The following RIMS1 variants were observed in gnomAD, a reference collection of about 807,000 sequenced individuals.
RIMS1 encodes regulating synaptic membrane exocytosis 1.
A neutral mutation model predicts 214.1 loss-of-function variants in RIMS1; 83 were observed. The ratio of observed to expected loss-of-function variants is 0.39; its 90% CI spans 0.32 to 0.47. The LOEUF (loss-of-function observed/expected upper bound fraction) is 0.47, where lower values mean the gene tolerates loss of function less well. RIMS1 is among the 20% of genes least tolerant of loss of function. RIMS1 has a pLI of 0.99. For synonymous variants in RIMS1, 793 were observed against 786.8 expected (o/e 1.01, Z -0.13); for missense variants, 2,050 against 2,161.8 (o/e 0.95, Z 1.03).
At chr6:72,234,671 AC>A (rs907032117) in intron 7 of RIMS1, among the ~76,000 whole-genome samples, 1 of 152,018 alleles carries the variant, frequency 6.6e-6, no homozygotes, top group African/African-American at 2.4e-5. Flanking sequence ...TTACAGTATC[AC>A]ACAGAATAGT....
intron 6 of RIMS1, among the ~76,000 whole-genome samples, chr6:72,228,657 T>C (rs1486376464): frequency 6.6e-6 from 1 of 151,936 alleles, no homozygotes; most frequent in Non-Finnish European, 1.5e-5. Flanking sequence ...GATTCTGATC[T>C]CAATTCCTTT....
At position 72,099,913 on chromosome 6, in the gene RIMS1, A is replaced by G. The variant is rs1441583878; in HGVS notation, c.460-62A>G. On this transcript the variant is annotated intron_variant, in intron 3 of 33. Coordinates refer to ENST00000521978, the MANE Select transcript of RIMS1 (RefSeq NM_014989.7). ...AACCAATTTATTAATACATGGCTCA[A>G]TTTTGTTTTTCTTTTCTTTGTCTTC... 3 of 1,403,000 alleles carry G rather than the reference A, an allele frequency of 2.1e-6. No individual in the cohort carries two copies. In the African/African-American group the frequency reaches 4.2e-5, roughly 20 times the overall value. The allele number at this position is 1,403,000 out of a possible 1,614,324, so 86.9% of individuals were successfully genotyped here.
At chr6:72,217,516 G>C (rs2056697678) in intron 6 of RIMS1, among the ~76,000 whole-genome samples, 1 of 152,204 alleles carries the variant, frequency 6.6e-6, no homozygotes, top group East Asian at 1.9e-4. Context: ...GAGATATATA[G>C]ATAATATACA....
intron 29 of RIMS1, among the ~76,000 whole-genome samples, chr6:72,342,237 C>A (rs2097116787): frequency 6.6e-6 from 1 of 151,836 alleles, no homozygotes; most frequent in Non-Finnish European, 1.5e-5. Context: ...TTTTGTCATT[C>A]ATTTCAGCTC....
intron 8 of RIMS1, among the ~76,000 whole-genome samples, chr6:72,237,215 A>AAG (rs552204532): frequency 7.3e-5 from 11 of 150,014 alleles, no homozygotes; most frequent in African/African-American, 2.2e-4. Context: ...CAAAAATAGA[A>AAG]AGAGAGAGAG....
At chr6:72,051,550 C>A (rs912085674) in intron 2 of RIMS1, among the ~76,000 whole-genome samples, 5 of 152,204 alleles carry the variant, frequency 3.3e-5, no homozygotes, top group Admixed American at 6.5e-5. Context: ...AATGCCTAGT[C>A]GTGGCTTGTG....
chr6:72,246,236 G>A (rs998307472), intron 11 of RIMS1, among the ~76,000 whole-genome samples: 19 of 152,144 alleles, frequency 1.2e-4, no homozygotes, highest in Non-Finnish European at 2.5e-4. Context: ...GCCTAGTGAA[G>A]AAACTAGGTA....
At chr6:72,245,892 AGTATT>A (rs1366738630) in intron 11 of RIMS1, 31 bp downstream of exon 11, 2 of 1,441,364 alleles carry the variant, frequency 1.4e-6, no homozygotes, top group Non-Finnish European at 2.0e-6. Context: ...TTATTATAAA[AGTATT>A]GAACTAATTG....
chr6:72,329,738 G>C (rs958802566), intron 28 of RIMS1, among the ~76,000 whole-genome samples: 1 of 151,644 alleles, frequency 6.6e-6, no homozygotes, highest in Non-Finnish European at 1.5e-5. Flanking sequence ...GGTTGGTTGG[G>C]TTTGTCTTAC....
At chr6:72,207,754 AAAACAAAC>A (rs766881579) in intron 6 of RIMS1, among the ~76,000 whole-genome samples, 12 of 152,108 alleles carry the variant, frequency 7.9e-5, no homozygotes, top group African/African-American at 2.9e-4. Context: ...AAACGTAGGC[AAAACAAAC>A]AAACAAACAA....
At chr6:71,995,169 A>G (rs1803009979) in intron 2 of RIMS1, among the ~76,000 whole-genome samples, 2 of 152,188 alleles carry the variant, frequency 1.3e-5, no homozygotes, top group African/African-American at 2.4e-5. Flanking sequence ...GGAATTATTT[A>G]TAAAAAACAG....
At chr6:72,046,994 A>T (rs1823230313) in intron 2 of RIMS1, among the ~76,000 whole-genome samples, 1 of 152,280 alleles carries the variant, frequency 6.6e-6, no homozygotes, top group South Asian at 2.1e-4. Context: ...AATTACTCAA[A>T]TACCTTTTTC....
chr6:72,178,605 G>T (rs113527620), intron 4 of RIMS1, among the ~76,000 whole-genome samples: 4 of 152,200 alleles, frequency 2.6e-5, no homozygotes, highest in Non-Finnish European at 5.9e-5. Flanking sequence ...GCTTTTGGAG[G>T]CATGTAACTG....
At chr6:72,329,303 G>A (rs1217307960) in intron 28 of RIMS1, among the ~76,000 whole-genome samples, 1 of 151,698 alleles carries the variant, frequency 6.6e-6, no homozygotes, top group African/African-American at 2.4e-5. Context: ...AGCAAATGTT[G>A]GAGCTTTAAT....
At chr6:72,171,955 A>G (rs1008716775) in intron 4 of RIMS1, among the ~76,000 whole-genome samples, 10 of 152,210 alleles carry the variant, frequency 6.6e-5, no homozygotes, top group Non-Finnish European at 1.5e-4. Flanking sequence ...GTACAACAGA[A>G]GGATTGCAAA....
At chr6:71,930,734 C>T (rs1286703917) in intron 1 of RIMS1, among the ~76,000 whole-genome samples, 2 of 152,034 alleles carry the variant, frequency 1.3e-5, no homozygotes, top group East Asian at 1.9e-4. Context: ...TATCTTTTCT[C>T]TATGCTCTGA....
At chr6:72,166,476 C>A (rs998699117) in intron 4 of RIMS1, among the ~76,000 whole-genome samples, 2 of 152,004 alleles carry the variant, frequency 1.3e-5, no homozygotes, top group African/African-American at 4.8e-5. Flanking sequence ...ATTTTCCCAG[C>A]AATATTTTGT....
At chr6:72,168,392 C>T (rs909248300) in intron 4 of RIMS1, among the ~76,000 whole-genome samples, 2 of 152,292 alleles carry the variant, frequency 1.3e-5, no homozygotes, top group African/African-American at 4.8e-5. Flanking sequence ...CTGGTGAGAT[C>T]AAATGCATGG....
At position 72,284,031 on chromosome 6, in the gene RIMS1, A is replaced by G. The variant is rs747771342; in HGVS notation, c.3483-16A>G. The G allele has an allele frequency of 2.5e-6, 4 of 1,604,890 alleles. No homozygotes were observed. Among genetic ancestry groups the G allele is most frequent in the Non-Finnish European group, 1.7e-6 (2 of 1,172,394 alleles). ...TTATTCATCATATATTTTGTGTTTA[A>G]CATTTCATTCCACAGGCACTCCAGA... On this transcript the variant is annotated splice_polypyrimidine_tract_variant and intron_variant, in intron 23 of 33. Transcript: ENST00000521978.
Sources: gnomAD v4.1 joint callset for allele counts (sites outside exome capture counted in the v4.1 genomes callset) on GRCh38, gnomAD v4.1.1 for gene constraint, MANE v1.5 for transcripts, NCBI Gene and HGNC (gene_info 2026-07-23, HGNC 2026-07-21) for gene names.